Variants in MARCHF1 observed in about 807,000 individuals in gnomAD.
The protein encoded by MARCHF1 is E3 ubiquitin-protein ligase MARCHF1.
MARCHF1 carries 40 observed loss-of-function variants against 54.2 expected under a neutral mutation model. The ratio of observed to expected loss-of-function variants is 0.74; its 90% CI spans 0.57 to 0.96. The LOEUF (loss-of-function observed/expected upper bound fraction) is 0.96. MARCHF1 is among the 40% of genes least tolerant of loss of function. The pLI is 0.00. For synonymous variants in MARCHF1, 236 were observed against 236.3 expected (o/e 1.00, Z 0.01); for missense variants, 586 against 656.5 (o/e 0.89, Z 1.17).
intron 7 of MARCHF1, among the ~76,000 whole-genome samples, chr4:163,588,948 T>C (rs1740496411): frequency 6.6e-6 from 1 of 151,886 alleles, no homozygotes; most frequent in Non-Finnish European, 1.5e-5. Flanking sequence ...TAAATCACTC[T>C]AACCTCTGCA....
At chr4:163,557,352 C>G (rs762084750) in intron 8 of MARCHF1, among the ~76,000 whole-genome samples, 3 of 152,134 alleles carry the variant, frequency 2.0e-5, no homozygotes, top group Non-Finnish European at 4.4e-5. Flanking sequence ...CCTATCATCT[C>G]CAAATACTGT....
At chr4:164,219,299 G>A (rs1357798285) in intron 1 of MARCHF1, among the ~76,000 whole-genome samples, 5 of 152,048 alleles carry the variant, frequency 3.3e-5, no homozygotes, top group African/African-American at 4.8e-5. Flanking sequence ...TAAACAAAAT[G>A]TATCTGCTTT....
In MARCHF1 at chr4:164,253,402, A is replaced by G. The variant is rs1019373640; in HGVS notation, c.-323+130468T>C. Among the ~76,000 whole-genome samples, 51 of 152,318 alleles carry G rather than the reference A, an allele frequency of 3.3e-4. 1 individual carries two copies. Among genetic ancestry groups the G allele is most frequent in the Admixed American group, 2.4e-3 (36 of 15,298 alleles). On this transcript the variant is annotated intron_variant, in intron 1 of 9. Coordinates refer to ENST00000514618, the MANE Select transcript of MARCHF1 (RefSeq NM_001394959.1). The stretch of plus-strand genomic sequence containing the variant: ...AAACCTTCAGAAGGAAATAAGCTGT[A>G]AAATAAAGTAAGCTCAATGAATTAA...
intron 5 of MARCHF1, among the ~76,000 whole-genome samples, chr4:163,672,953 C>T (rs910026422): frequency 2.0e-5 from 3 of 152,154 alleles, no homozygotes; most frequent in Admixed American, 6.5e-5. Flanking sequence ...TGACTCTTGT[C>T]ATTACATTGT....
At chr4:164,182,661 A>G (rs1560943099) in intron 1 of MARCHF1, among the ~76,000 whole-genome samples, 1 of 151,978 alleles carries the variant, frequency 6.6e-6, no homozygotes. Flanking sequence ...CACAGATTTT[A>G]CAATCATATA....
At chr4:163,633,620 T>G (rs1346492166) in intron 5 of MARCHF1, among the ~76,000 whole-genome samples, 1 of 152,192 alleles carries the variant, frequency 6.6e-6, no homozygotes. Flanking sequence ...CTACGTCTGA[T>G]TGGTATACCT....
chr4:164,007,948 G>A (rs1303948275), intron 2 of MARCHF1, among the ~76,000 whole-genome samples: 2 of 151,912 alleles, frequency 1.3e-5, no homozygotes, highest in African/African-American at 4.8e-5. Context: ...GTAACAAAAC[G>A]GCAGGAGTAA....
chr4:164,276,988 T>A (rs1410300523), intron 1 of MARCHF1, among the ~76,000 whole-genome samples: 10 of 148,202 alleles, frequency 6.7e-5, no homozygotes, highest in Non-Finnish European at 1.2e-4. Context: ...AGAGAAAATA[T>A]ATGAGGGAGA....
intron 1 of MARCHF1, among the ~76,000 whole-genome samples, chr4:164,242,035 G>A (rs1732780103): frequency 6.6e-6 from 1 of 152,230 alleles, no homozygotes; most frequent in African/African-American, 2.4e-5. Flanking sequence ...CTGCAAGGCG[G>A]CAGCGAGGCA....
intron 4 of MARCHF1, among the ~76,000 whole-genome samples, chr4:163,773,735 T>G (rs1385163706): frequency 1.3e-5 from 2 of 152,196 alleles, no homozygotes; most frequent in Admixed American, 6.5e-5. Flanking sequence ...GGCCAAAACT[T>G]CTAAGATATT....
In MARCHF1 at chr4:164,128,933, C is replaced by T. The variant is rs371009979; in HGVS notation, c.-322-17271G>A. The stretch of plus-strand genomic sequence containing the variant: ...CCAAGAGGTAGGCTCCCTCTTTACT[C>T]TTCTTGAGCTCTATTTAACAACTGT... On this transcript the variant is annotated intron_variant, in intron 1 of 9. Coordinates refer to ENST00000514618, the MANE Select transcript of MARCHF1 (RefSeq NM_001394959.1). Among the ~76,000 whole-genome samples, 181 of 152,278 alleles carry T rather than the reference C, an allele frequency of 1.2e-3. 1 individual carries two copies. Among genetic ancestry groups the T allele is most frequent in the African/African-American group, 4.2e-3 (174 of 41,576 alleles).
At chr4:163,741,880 A>G (rs1186101604) in intron 4 of MARCHF1, among the ~76,000 whole-genome samples, 1 of 152,202 alleles carries the variant, frequency 6.6e-6, no homozygotes, top group Non-Finnish European at 1.5e-5. Flanking sequence ...TTTCTAACAC[A>G]TTTTAATGTT....
In MARCHF1 at chr4:163,764,677, A is replaced by G. The variant is rs144552804; in HGVS notation, c.112-63814T>C. 3.3e-5 allele frequency among the ~76,000 whole-genome samples: 5 copies of G among 152,202 alleles called. No homozygotes were observed. The East Asian group carries it at 7.7e-4, about 23-fold the overall frequency. On this transcript the variant is annotated intron_variant, in intron 4 of 9. Coordinates refer to ENST00000514618, the MANE Select transcript of MARCHF1 (RefSeq NM_001394959.1). ...ACGACTGCAGTGACCATGTAAATGTATTAATAGAAAACCCAAGAGGGATGA... is the reference window on the plus strand; with the variant it reads ...ACGACTGCAGTGACCATGTAAATGTGTTAATAGAAAACCCAAGAGGGATGA...
intron 2 of MARCHF1, among the ~76,000 whole-genome samples, chr4:164,009,982 A>G (rs999678407): frequency 6.6e-6 from 1 of 151,918 alleles, no homozygotes; most frequent in Non-Finnish European, 1.5e-5. Flanking sequence ...CATCTGAATT[A>G]GAAAAAAAGA....
chr4:164,187,650 G>A (rs556250530), intron 1 of MARCHF1, among the ~76,000 whole-genome samples: 2 of 152,264 alleles, frequency 1.3e-5, no homozygotes, highest in African/African-American at 2.4e-5. Context: ...TGCAATATTT[G>A]CTGCTGCTTA....
chr4:163,757,656 C>T (rs1030706091), intron 4 of MARCHF1, among the ~76,000 whole-genome samples: 2 of 152,068 alleles, frequency 1.3e-5, no homozygotes, highest in African/African-American at 4.8e-5. Context: ...CATAGAAACA[C>T]AAAACTAGTC....
At chr4:164,316,320 C>T (rs1031515977) in intron 1 of MARCHF1, among the ~76,000 whole-genome samples, 1 of 152,120 alleles carries the variant, frequency 6.6e-6, no homozygotes, top group Non-Finnish European at 1.5e-5. Context: ...ATAAGTCATA[C>T]TAGCAACTAC....
chr4:163,825,393 G>T (rs904014660), intron 4 of MARCHF1, among the ~76,000 whole-genome samples: 1 of 152,022 alleles, frequency 6.6e-6, no homozygotes, highest in Non-Finnish European at 1.5e-5. Flanking sequence ...GAATAGTGCT[G>T]TCATGAACAT....
intron 1 of MARCHF1, among the ~76,000 whole-genome samples, chr4:164,299,076 T>C (rs76859334): frequency 0.029 from 4,355 of 152,298 alleles, 129 homozygotes; most frequent in East Asian, 0.15. Flanking sequence ...ATTCTCCTCA[T>C]ATACACATAC....
Sources: gnomAD v4.1 joint callset for allele counts (sites outside exome capture counted in the v4.1 genomes callset) on GRCh38, gnomAD v4.1.1 for gene constraint, MANE v1.5 for transcripts, NCBI Gene and HGNC (gene_info 2026-07-23, HGNC 2026-07-21) for gene names.